Variants in KDM4C observed in about 807,000 individuals in gnomAD.
The protein encoded by KDM4C is lysine-specific demethylase 4C.
Under a neutral mutation model 129.3 loss-of-function variants are expected in KDM4C, and 81 were observed. That is an observed-to-expected ratio of 0.63 (90% CI 0.52 to 0.75). The LOEUF is 0.75. Ranked by LOEUF, KDM4C falls within the 30% of genes least tolerant of loss-of-function variation. The pLI is 0.00. For missense variants in KDM4C, 1,457 were observed against 1,304.0 expected (o/e 1.12, Z -1.81); for synonymous variants, 573 against 456.1 (o/e 1.26, Z -3.26).
intron 5 of KDM4C, among the ~76,000 whole-genome samples, chr9:6,865,147 T>G (rs1248943162): frequency 1.3e-5 from 2 of 151,886 alleles, no homozygotes; most frequent in African/African-American, 4.8e-5. Context: ...TAGCTGGGAC[T>G]GCAGGTGCCC....
intron 4 of KDM4C, among the ~76,000 whole-genome samples, chr9:6,815,619 T>C (rs1400006595): frequency 6.6e-6 from 1 of 152,220 alleles, no homozygotes; most frequent in Non-Finnish European, 1.5e-5. Context: ...TTAAGCATCC[T>C]TCATCCAGAA....
intron 8 of KDM4C, among the ~76,000 whole-genome samples, chr9:6,968,337 G>T (rs1401654798): frequency 2.0e-5 from 3 of 152,090 alleles, no homozygotes; most frequent in Admixed American, 1.3e-4. Flanking sequence ...AATAAATGAA[G>T]AAATGCCATC....
chr9:6,789,289 C>G (rs1826081272), intron 1 of KDM4C, among the ~76,000 whole-genome samples: 1 of 145,096 alleles, frequency 6.9e-6, no homozygotes, highest in Non-Finnish European at 1.5e-5. Context: ...GGCGTGATCT[C>G]AGCTCACTGC....
chr9:7,025,706 T>G (rs1825697501), intron 15 of KDM4C, among the ~76,000 whole-genome samples: 1 of 152,240 alleles, frequency 6.6e-6, no homozygotes, highest in Non-Finnish European at 1.5e-5. Context: ...TTATATCTCA[T>G]TATAATTTCT....
chr9:6,904,800 C>A (rs987073057), intron 8 of KDM4C, among the ~76,000 whole-genome samples: 5 of 151,836 alleles, frequency 3.3e-5, no homozygotes, highest in Non-Finnish European at 7.4e-5. Context: ...AGGAGTATTC[C>A]AGTGAATTTG....
At chr9:6,816,158 A>C (rs1198579155) in intron 4 of KDM4C, among the ~76,000 whole-genome samples, 1 of 152,220 alleles carries the variant, frequency 6.6e-6, no homozygotes, top group Non-Finnish European at 1.5e-5. Context: ...TGTCCCCAAC[A>C]GCCTTTCATT....
chr9:7,134,053 C>T (rs1840926665), intron 19 of KDM4C, among the ~76,000 whole-genome samples: 1 of 152,192 alleles, frequency 6.6e-6, no homozygotes, highest in Non-Finnish European at 1.5e-5. Flanking sequence ...CAGAGGGCTG[C>T]CCTTCTCCTC....
chr9:7,099,805 G>A (rs1456227078), intron 17 of KDM4C, among the ~76,000 whole-genome samples: 13 of 152,122 alleles, frequency 8.5e-5, no homozygotes. Context: ...CTTTTGGCTG[G>A]GTGATCAGCT....
At position 7,160,280 on chromosome 9, in the gene KDM4C, C is replaced by A. The variant is rs577397676; in HGVS notation, c.2782-4958C>A. 3.3e-5 allele frequency among the ~76,000 whole-genome samples: 5 copies of A among 152,262 alleles called. No individual in the cohort carries two copies. The South Asian group carries it at 1.0e-3, about 32-fold the overall frequency. On this transcript the variant is annotated intron_variant, in intron 19 of 21. Transcript: ENST00000381309. Reference sequence around the variant, plus strand: ...CTTCCTTGCGATGGGTTTGAACATGCCTCTTTAGCTTGGAGAAGTTTGTTA... The same window carrying A: ...CTTCCTTGCGATGGGTTTGAACATGACTCTTTAGCTTGGAGAAGTTTGTTA...
At chr9:6,803,037 A>C (rs1829303285) in intron 2 of KDM4C, among the ~76,000 whole-genome samples, 1 of 152,242 alleles carries the variant, frequency 6.6e-6, no homozygotes, top group South Asian at 2.1e-4. Flanking sequence ...TAGAAGCATA[A>C]AACTAAAGCC....
At chr9:6,973,435 T>C (rs1401629548) in intron 8 of KDM4C, among the ~76,000 whole-genome samples, 1 of 152,216 alleles carries the variant, frequency 6.6e-6, no homozygotes, top group African/African-American at 2.4e-5. Context: ...TTTCCCACTT[T>C]AGAAACAATG....
At chr9:6,945,639 TTG>T (rs897615447) in intron 8 of KDM4C, among the ~76,000 whole-genome samples, 2 of 152,114 alleles carry the variant, frequency 1.3e-5, no homozygotes, top group Non-Finnish European at 2.9e-5. Flanking sequence ...GAGATAATAT[TTG>T]TGTGAATTTA....
intron 20 of KDM4C, among the ~76,000 whole-genome samples, chr9:7,169,544 G>A (rs1844748213): frequency 6.6e-6 from 1 of 151,984 alleles, no homozygotes; most frequent in African/African-American, 2.4e-5. Context: ...ATGTTGGCCA[G>A]GATGGTCTCG....
intron 1 of KDM4C, among the ~76,000 whole-genome samples, chr9:6,725,149 A>G (rs940862264): frequency 1.8e-4 from 28 of 152,088 alleles, no homozygotes; most frequent in African/African-American, 6.5e-4. Context: ...TAAAAAATCT[A>G]ATGTGATCCC....
At chr9:6,959,896 TG>T (rs1829737192) in intron 8 of KDM4C, among the ~76,000 whole-genome samples, 1 of 152,098 alleles carries the variant, frequency 6.6e-6, no homozygotes, top group Non-Finnish European at 1.5e-5. Context: ...CCTAAGATTA[TG>T]GTTACTACGA....
chr9:6,984,427 T>G (rs1317181157), intron 10 of KDM4C, 23 bp downstream of exon 10: 1 of 1,487,716 alleles, frequency 6.7e-7, no homozygotes, highest in African/African-American at 1.4e-5. Context: ...TTGATTAGGT[T>G]TCACATATAA....
intron 1 of KDM4C, among the ~76,000 whole-genome samples, chr9:6,764,637 A>G (rs1436843710): frequency 6.6e-6 from 1 of 152,224 alleles, no homozygotes; most frequent in East Asian, 1.9e-4. Flanking sequence ...TCAGATACAC[A>G]TGGTATTTCA....
chr9:6,785,628 C>A (rs1020068708), intron 1 of KDM4C, among the ~76,000 whole-genome samples: 2 of 152,228 alleles, frequency 1.3e-5, no homozygotes, highest in African/African-American at 4.8e-5. Flanking sequence ...TGAGCCACTG[C>A]GCCTGGCTTC....
At chr9:6,915,221 G>A (rs1820086727) in intron 8 of KDM4C, among the ~76,000 whole-genome samples, 1 of 152,174 alleles carries the variant, frequency 6.6e-6, no homozygotes, top group African/African-American at 2.4e-5. Flanking sequence ...AAATATGCAA[G>A]AAGCACGTGA....
Sources: gnomAD v4.1 joint callset for allele counts (sites outside exome capture counted in the v4.1 genomes callset) on GRCh38, gnomAD v4.1.1 for gene constraint, MANE v1.5 for transcripts, NCBI Gene and HGNC (gene_info 2026-07-23, HGNC 2026-07-21) for gene names.